SLC26A7: variants seen among roughly 807,000 people sequenced by gnomAD.
SLC26A7 encodes anion exchange transporter.
SLC26A7 carries 59 observed loss-of-function variants against 82.5 expected under a neutral mutation model. The observed-to-expected ratio is 0.72, with a 90% CI of 0.58 to 0.89. The LOEUF is 0.89. Ranked by LOEUF, SLC26A7 falls within the 40% of genes least tolerant of loss-of-function variation. The probability of loss-of-function intolerance (pLI) is 0.00; values close to 1 mark genes in which losing one functional copy is unlikely to be tolerated. For synonymous variants in SLC26A7, 271 were observed against 274.3 expected, an observed-to-expected ratio of 0.99 and a Z score of 0.12; for missense variants, 820 against 793.0, an observed-to-expected ratio of 1.03 and a Z score of -0.41.
chr8:91,338,100 A>G, intron 6 of SLC26A7, 50 bp from the exon 7 acceptor site: 2 of 1,351,886 alleles, frequency 1.5e-6, no homozygotes, highest in Non-Finnish European at 2.0e-6. Context: ...AAGGTGTTTG[A>G]GAGGTCAGTA....
chr8:91,364,625 G>A (rs1433701906), intron 13 of SLC26A7, among the ~76,000 whole-genome samples: 2 of 152,146 alleles, frequency 1.3e-5, no homozygotes, highest in African/African-American at 4.8e-5. Flanking sequence ...CACACCACAA[G>A]TACACATGTA....
intron 11 of SLC26A7, among the ~76,000 whole-genome samples, chr8:91,354,453 G>A (rs1355546732): frequency 2.6e-5 from 4 of 152,052 alleles, no homozygotes; most frequent in Admixed American, 2.6e-4. Flanking sequence ...CAGATGATGT[G>A]GAAAAGTTAA....
intron 5 of SLC26A7, among the ~76,000 whole-genome samples, chr8:91,332,482 T>C (rs1417879503): frequency 8.2e-6 from 1 of 121,714 alleles, no homozygotes; most frequent in East Asian, 2.1e-4. Context: ...ATTCTGTATA[T>C]ATATTTAATA....
chr8:91,237,860 C>T (rs1810413668), intron 2 of SLC26A7, among the ~76,000 whole-genome samples: 2 of 152,156 alleles, frequency 1.3e-5, no homozygotes, highest in African/African-American at 4.8e-5. Flanking sequence ...AAGCCCTCAT[C>T]TTTCTTTGTT....
At chr8:91,262,452 G>C (rs1342906470) in intron 2 of SLC26A7, among the ~76,000 whole-genome samples, 1 of 152,026 alleles carries the variant, frequency 6.6e-6, no homozygotes, top group Non-Finnish European at 1.5e-5. Flanking sequence ...CAGCGTCTGA[G>C]CAGTCTTCAG....
chr8:91,344,789 C>A (rs1276883792), intron 9 of SLC26A7, among the ~76,000 whole-genome samples: 1 of 152,140 alleles, frequency 6.6e-6, no homozygotes, highest in East Asian at 1.9e-4. Flanking sequence ...GTAGGGTCAT[C>A]TTCTGTAGTG....
chr8:91,234,825 CTACT>C (rs1810367827), intron 2 of SLC26A7, among the ~76,000 whole-genome samples: 2 of 86,474 alleles, frequency 2.3e-5, no homozygotes, highest in Admixed American at 1.1e-4. Context: ...ACCTACCTAC[CTACT>C]TCCTTCCTTC....
At chr8:91,394,161 C>A (rs1317892699) in intron 18 of SLC26A7, 122 bp downstream of exon 18, 2 of 1,602,884 alleles carry the variant, frequency 1.2e-6, no homozygotes, top group Non-Finnish European at 1.7e-6. Context: ...GCCCCCCACC[C>A]CACCCCACCT....
rs190512476 is a variant in SLC26A7 at position 91,331,832 on chromosome 8, C to T, written c.643-2463C>T. On this transcript the variant is annotated intron_variant, in intron 5 of 18. Transcript: ENST00000276609. ...TAGACTATTTAAATTATTATTTAAG[C>T]ATCACTAATAATTTGATAAAAGAAA... Among the ~76,000 whole-genome samples, 247 of 152,092 alleles carry T rather than the reference C, an allele frequency of 1.6e-3. 2 individuals carry two copies. Among genetic ancestry groups the T allele is most frequent in the Non-Finnish European group, 2.2e-3 (151 of 67,932 alleles).
chr8:91,355,269 A>T (rs1813831041), intron 11 of SLC26A7, among the ~76,000 whole-genome samples: 1 of 152,070 alleles, frequency 6.6e-6, no homozygotes, highest in South Asian at 2.1e-4. Flanking sequence ...GTGGTTGAGC[A>T]CTCAGTCTCA....
At chr8:91,271,634 G>T (rs556654180) in intron 2 of SLC26A7, among the ~76,000 whole-genome samples, 1 of 132,848 alleles carries the variant, frequency 7.5e-6, no homozygotes, top group Non-Finnish European at 1.5e-5. Flanking sequence ...TCGCTCTGTC[G>T]CCCAGGCTGG....
At chr8:91,321,906 G>A (rs1812800299) in intron 5 of SLC26A7, among the ~76,000 whole-genome samples, 1 of 101,342 alleles carries the variant, frequency 9.9e-6, no homozygotes, top group Admixed American at 8.8e-5. Flanking sequence ...CAGTTGTCTT[G>A]TCTGTTTTGT....
chr8:91,211,611 TATA>T (rs1339481527), intron 1 of SLC26A7, among the ~76,000 whole-genome samples: 33 of 138,994 alleles, frequency 2.4e-4, no homozygotes, highest in African/African-American at 8.7e-4. Context: ...TATATATATA[TATA>T]TATTTTTTTT....
rs145779342 is a variant in SLC26A7 at position 91,362,401 on chromosome 8, G to A, written c.1363G>A (p.Val455Met). 10,296 of 1,613,308 alleles carry A rather than the reference G, an allele frequency of 6.4e-3. 45 individuals carry two copies. Among genetic ancestry groups the A allele is most frequent in the Non-Finnish European group, 7.6e-3 (8,949 of 1,179,374 alleles). The stretch of plus-strand genomic sequence containing the variant: ...ATTTACAATATGCTTTGCTGCCAAT[G>A]TGGGACTGCTGTTTGGTGTTGTTTG... ...YVFTICFAAN[V>M]GLLFGVVCTI... The change falls in exon 12 of 19, where the codon GTG becomes ATG. Residue 455 changes from valine to methionine, a missense_variant. Coordinates refer to ENST00000276609, the MANE Select transcript of SLC26A7 (RefSeq NM_052832.4).
intron 1 of SLC26A7, among the ~76,000 whole-genome samples, chr8:91,214,750 T>C (rs73697145): frequency 0.018 from 2,779 of 152,266 alleles, 71 homozygotes; most frequent in African/African-American, 0.063. Flanking sequence ...GATAACAGTA[T>C]TAGTTTTCCA....
intron 3 of SLC26A7, among the ~76,000 whole-genome samples, chr8:91,292,743 A>T (rs529180994): frequency 0.012 from 1,832 of 150,442 alleles, 25 homozygotes; most frequent in African/African-American, 0.04. Context: ...TTTTTTTTTT[A>T]AAAAAAGGAA....
intron 16 of SLC26A7, 68 bp from the exon 17 acceptor site, chr8:91,393,729 A>T: frequency 5.9e-6 from 9 of 1,529,006 alleles, no homozygotes; most frequent in Non-Finnish European, 7.2e-6. Context: ...TTTCTTCTGA[A>T]GCCCATCTTA....
At position 91,393,971 on chromosome 8, in the gene SLC26A7, C is replaced by T. The variant is rs1200438260; in HGVS notation, c.1867C>T (p.Leu623=). 3.7e-6 allele frequency: 6 copies of T among 1,613,540 alleles called. No individual in the cohort carries two copies. The African/African-American group carries it at 6.7e-5, about 18-fold the overall frequency. ...LIKAMTYYGN[L]DSEKPIFFES... ...AAAAGCAATGACGTATTATGGAAAC[C>T]TAGACTCAGAGAAACCAATTTTTTT... The change falls in exon 18 of 19, where the codon CTA becomes TTA. Residue 623 remains leucine (L), a synonymous_variant. Transcript: ENST00000276609.
At chr8:91,344,977 C>T (rs6471276) in intron 9 of SLC26A7, among the ~76,000 whole-genome samples, 54,030 of 149,328 alleles carry the variant, frequency 0.36, 10,330 homozygotes, top group African/African-American at 0.47. Flanking sequence ...GAGTCTTGCT[C>T]TGTTGCTCAG....
Sources: allele counts gnomAD v4.1 joint callset (sites outside exome capture counted in the v4.1 genomes callset), GRCh38; gene constraint gnomAD v4.1.1; transcripts MANE v1.5; gene names NCBI Gene and HGNC (gene_info 2026-07-23, HGNC 2026-07-21).